Variants in POMT2 observed in about 807,000 individuals in gnomAD.
POMT2 encodes the protein protein O-mannosyltransferase 2, also known as protein O-mannosyl-transferase 2.
Under a neutral mutation model 100.0 loss-of-function variants are expected in POMT2, and 75 were observed. The ratio of observed to expected loss-of-function variants is 0.75; its 90% CI spans 0.62 to 0.91. POMT2 has a LOEUF of 0.91. Among genes scored for constraint, POMT2 ranks in the 40% least tolerant of loss-of-function variants. The pLI is 0.00. For synonymous variants in POMT2, 378 were observed against 374.1 expected (o/e 1.01, Z -0.12); for missense variants, 940 against 955.1 (o/e 0.98, Z 0.21).
Position 77,278,743 on chromosome 14 carries a change from G to A in POMT2, c.2018C>T (p.Ser673Leu). ...GTGGCACTGACCTGTCAACATGCTT[G>A]AGAAGAGCATGGCTGGGAAGTAGTG... ...FHHYFPAMLFSSMLTGILWDT... is the reference protein window; with the variant it reads ...FHHYFPAMLFLSMLTGILWDT... Residue 673 changes from serine to leucine, a missense_variant, in exon 19 of 21, where the codon TCA (serine) becomes TTA (leucine). Coordinates refer to ENST00000261534, the MANE Select transcript of POMT2 (RefSeq NM_013382.7). 6 of 1,613,976 alleles carry A rather than the reference G, an allele frequency of 3.7e-6. No homozygotes were observed. Among genetic ancestry groups the A allele is most frequent in the Non-Finnish European group, 5.1e-6 (6 of 1,179,946 alleles).
intron 1 of POMT2, among the ~76,000 whole-genome samples, chr14:77,317,945 A>G (rs940902777): frequency 1.4e-4 from 22 of 152,206 alleles, no homozygotes; most frequent in African/African-American, 5.3e-4. Context: ...AAGTCCCCCT[A>G]CAGTGGCCCA....
At position 77,320,455 on chromosome 14, in the gene POMT2, A is replaced by G. The variant is rs1349494437; in HGVS notation, c.227T>C (p.Leu76Ser). ...TCACCAGATGTGCGGCGGCTCGTCC[A>G]AGCGGTGGAAGCGGGTGGCGAAGGA... is the stretch of plus-strand genomic sequence containing the variant. Reference protein sequence around the residue: ...LLSFATRFHRLDEPPHICWDE... With the variant: ...LLSFATRFHRSDEPPHICWDE... The change falls in exon 1 of 21, where the codon TTG becomes TCG. Residue 76 changes from leucine (L) to serine (S), a missense_variant. By Grantham distance (145) the Leu-to-Ser change is moderately radical. Transcript: ENST00000261534. The G allele has an allele frequency of 1.3e-6, 2 of 1,545,892 alleles. No homozygotes were observed. The highest frequency in any genetic ancestry group is 8.7e-7 in the Non-Finnish European group (1 of 1,146,944).
chr14:77,318,963 T>C (rs369486191), intron 1 of POMT2, among the ~76,000 whole-genome samples: 3 of 152,212 alleles, frequency 2.0e-5, no homozygotes, highest in Non-Finnish European at 2.9e-5. Context: ...CTCGAACTCC[T>C]GACCTCAGGT....
At chr14:77,304,603 A>G in intron 4 of POMT2, 89 bp downstream of exon 4, 1 of 1,535,060 alleles carries the variant, frequency 6.5e-7, no homozygotes, top group South Asian at 1.2e-5. Flanking sequence ...GGACCCACAT[A>G]TAGGGCCCTT....
chr14:77,280,155 G>A, intron 16 of POMT2, 75 bp from the exon 17 acceptor site: 1 of 1,610,160 alleles, frequency 6.2e-7, no homozygotes, highest in Non-Finnish European at 8.5e-7. Flanking sequence ...GAGGAAGATG[G>A]TCACCTTCCA....
chr14:77,284,909 T>C (rs1343934397), intron 14 of POMT2, 41 bp downstream of exon 14: 1 of 1,508,532 alleles, frequency 6.6e-7, no homozygotes, highest in African/African-American at 1.4e-5. Context: ...TTCTTATAAA[T>C]GCTTCCCTCC....
Position 77,303,223 on chromosome 14 carries a change from C to T in POMT2, c.548-280G>A, listed in dbSNP as rs115364957. 5.5e-3 allele frequency among the ~76,000 whole-genome samples: 830 copies of T among 152,182 alleles called. 3 individuals carry two copies. Among genetic ancestry groups the T allele is most frequent in the African/African-American group, 0.019 (773 of 41,500 alleles). On this transcript the variant is annotated intron_variant, in intron 4 of 20. Transcript: ENST00000261534. ...TCGCTCCCTCAGACCAGCCCTGAGA[C>T]AAGGTGTCATCCTCATTTCCACCAT...
chr14:77,300,751 C>T (rs1239109097), intron 6 of POMT2: 3 of 308,320 alleles, frequency 9.7e-6, no homozygotes, highest in South Asian at 5.8e-5. Context: ...ACCCAGGAGG[C>T]GGAAGTTGCA....
chr14:77,302,978 G>A, intron 4 of POMT2, 35 bp from the exon 5 acceptor site: 1 of 1,512,056 alleles, frequency 6.6e-7, no homozygotes, highest in Non-Finnish European at 9.1e-7. Context: ...AAAAAGCGAG[G>A]TAAGAGAAGG....
intron 12 of POMT2, among the ~76,000 whole-genome samples, 157 bp downstream of exon 12, chr14:77,286,587 G>C (rs1890431610): frequency 2.0e-5 from 3 of 152,314 alleles, no homozygotes; most frequent in Middle Eastern, 3.4e-3. Flanking sequence ...CCCAGAGCAG[G>C]CCTAGCCAAA....
chr14:77,311,454 C>T (rs188900610), intron 2 of POMT2, among the ~76,000 whole-genome samples: 17 of 152,292 alleles, frequency 1.1e-4, no homozygotes, highest in Admixed American at 9.2e-4. Context: ...ATGTCATCAC[C>T]CCATAAAGAA....
intron 1 of POMT2, among the ~76,000 whole-genome samples, chr14:77,317,565 TC>T (rs1247877673): frequency 2.0e-5 from 3 of 152,208 alleles, no homozygotes; most frequent in Non-Finnish European, 2.9e-5. Context: ...AAAGATCAAC[TC>T]AAAAAGATTT....
In POMT2 at chr14:77,286,769, T is replaced by A; in HGVS notation, c.1307A>T (p.His436Leu). Reference protein sequence around the residue: ...HYHEAPMTRKHYQVTGYGING... With the variant: ...HYHEAPMTRKLYQVTGYGING... ...TATGCCATAGCCGGTGACCTGATAG[T>A]GCTTCCGGGTCATGGGGGCCTCATG... Residue 436 changes from histidine to leucine, a missense_variant, in exon 12 of 21, where the codon CAC becomes CTC. Coordinates refer to ENST00000261534, the MANE Select transcript of POMT2 (RefSeq NM_013382.7). 1 of 1,614,188 alleles carries A rather than the reference T, an allele frequency of 6.2e-7. No homozygotes were observed. Among genetic ancestry groups the A allele is most frequent in the Non-Finnish European group, 8.5e-7 (1 of 1,180,040 alleles).
In POMT2 at chr14:77,277,284, G is replaced by A. The variant is rs948210922; in HGVS notation, c.*92C>T. The A allele has an allele frequency of 3.4e-5, 38 of 1,125,690 alleles. No individual in the cohort carries two copies. The Middle Eastern group carries it at 1.5e-3, about 45-fold the overall frequency. The allele number at this position is 1,125,690 out of a possible 1,614,324, so 69.7% of individuals were successfully genotyped here. A position where few individuals can be genotyped will look rare whatever the true frequency, so the allele number is the denominator to read the frequency against. Reference sequence around the variant, plus strand: ...CAGCAGAATTCTTCGGGCTCCTTAGGCAGCTTCCTCATGGCCGGATGGTCC... The same window carrying A: ...CAGCAGAATTCTTCGGGCTCCTTAGACAGCTTCCTCATGGCCGGATGGTCC... On this transcript the variant is annotated 3_prime_UTR_variant, in exon 21 of 21. Coordinates refer to ENST00000261534, the MANE Select transcript of POMT2 (RefSeq NM_013382.7).
chr14:77,301,206 C>A lies in POMT2; in HGVS notation c.700G>T (p.Val234Phe). 5 of 1,614,198 alleles carry A rather than the reference C, an allele frequency of 3.1e-6. No individual in the cohort carries two copies. Among genetic ancestry groups the A allele is most frequent in the South Asian group, 2.2e-5 (2 of 91,084 alleles). The change falls in exon 6 of 21, where the codon GTT becomes TTT. Residue 234 changes from valine to phenylalanine, a missense_variant. Physicochemically the swap from Val to Phe is conservative, Grantham distance 50. Transcript: ENST00000261534. Reference protein sequence around the residue: ...PWWFWLSLTGVSLAGALGVKF... With the variant: ...PWWFWLSLTGFSLAGALGVKF... ...ACCCCTAAAGCACCAGCAAGACTAA[C>A]GCCAGTCAGGCTGAGCCAGAACCAC...
At chr14:77,291,537 G>A in intron 9 of POMT2, 157 bp from the exon 10 acceptor site, 6 of 947,328 alleles carry the variant, frequency 6.3e-6, no homozygotes, top group Non-Finnish European at 9.6e-6. Flanking sequence ...TTTCCCAATG[G>A]GGCTCATATG....
chr14:77,316,869 T>G (rs1272240731), intron 1 of POMT2, among the ~76,000 whole-genome samples: 3 of 152,186 alleles, frequency 2.0e-5, no homozygotes, highest in Non-Finnish European at 2.9e-5. Flanking sequence ...GGTATGCCAC[T>G]TGGAAGACTA....
chr14:77,316,217 C>T lies in POMT2; in HGVS notation c.249-4184G>A, dbSNP rs536643930. Among the ~76,000 whole-genome samples, 490 of 152,244 alleles carry T rather than the reference C, an allele frequency of 3.2e-3. 3 individuals are homozygous for T. Among genetic ancestry groups the T allele is most frequent in the African/African-American group, 0.011 (472 of 41,530 alleles). On this transcript the variant is annotated intron_variant, in intron 1 of 20. Coordinates refer to ENST00000261534, the MANE Select transcript of POMT2 (RefSeq NM_013382.7). ...TCAGGACTCCCTGGCCTAGTATTCC[C>T]ACTTTGGGGTGGGTCAATGGGAATC...
chr14:77,283,563 G>T (rs531743063), intron 15 of POMT2, among the ~76,000 whole-genome samples: 1 of 152,186 alleles, frequency 6.6e-6, no homozygotes, highest in Non-Finnish European at 1.5e-5. Context: ...AGTGCTTAGC[G>T]TAGTGCCTGG....
Sources: allele counts gnomAD v4.1 joint callset (sites outside exome capture counted in the v4.1 genomes callset), GRCh38; gene constraint gnomAD v4.1.1; transcripts MANE v1.5; gene names NCBI Gene and HGNC (gene_info 2026-07-23, HGNC 2026-07-21).